Variants in DGKK observed in about 807,000 individuals in gnomAD.
The protein encoded by DGKK is diacylglycerol kinase kappa, also known as 142 kDa diacylglycerol kinase.
Under a neutral mutation model 92.2 loss-of-function variants are expected in DGKK, and 35 were observed. The observed-to-expected ratio is 0.38, with a 90% CI of 0.29 to 0.50. The LOEUF is 0.50. Among genes scored for constraint, DGKK ranks in the 20% least tolerant of loss-of-function variants. The probability of loss-of-function intolerance (pLI) is 0.92; values close to 1 mark genes in which losing one functional copy is unlikely to be tolerated. For missense variants in DGKK, 910 were observed against 992.2 expected, an observed-to-expected ratio of 0.92 and a Z score of 1.11; for synonymous variants, 368 against 360.6, an observed-to-expected ratio of 1.02 and a Z score of -0.23.
At chrX:50,408,082 G>C (rs993469493) in intron 4 of DGKK, among the ~76,000 whole-genome samples, 2 of 112,779 alleles carry the variant, frequency 1.8e-5, no homozygotes, top group Admixed American at 9.3e-5. Flanking sequence ...AGAGGCCAGA[G>C]ATGCTGCTGT....
chrX:50,402,425 A>AAAAAC (rs1439607550), intron 7 of DGKK, among the ~76,000 whole-genome samples: 11 of 111,403 alleles, frequency 9.9e-5, no homozygotes, highest in Non-Finnish European at 1.9e-4. Context: ...CTCAAAAACA[A>AAAAAC]AAAACAAAAC....
chrX:50,450,125 C>G (rs893874205), intron 1 of DGKK, among the ~76,000 whole-genome samples: 8 of 111,799 alleles, frequency 7.2e-5, no homozygotes, highest in Non-Finnish European at 1.3e-4. Flanking sequence ...CATACTTTTG[C>G]AACTAAGATT....
intron 1 of DGKK, among the ~76,000 whole-genome samples, chrX:50,444,489 T>C (rs1926241559): frequency 9.0e-6 from 1 of 110,971 alleles, no homozygotes; most frequent in Admixed American, 9.6e-5. Flanking sequence ...TTCCCCTCTT[T>C]TTGTCCATGA....
chrX:50,414,075 G>T (rs1925368777), intron 4 of DGKK, among the ~76,000 whole-genome samples: 1 of 111,893 alleles, frequency 8.9e-6, no homozygotes, highest in African/African-American at 3.2e-5. Context: ...GGTGAATCTG[G>T]AGGACATTAT....
At chrX:50,435,981 C>T (rs1398529224) in intron 1 of DGKK, among the ~76,000 whole-genome samples, 2 of 111,516 alleles carry the variant, frequency 1.8e-5, no homozygotes, top group African/African-American at 6.5e-5. Context: ...TGGCTGAACA[C>T]AATTGCCTCA....
Position 50,391,628 on chromosome X carries a change from C to G in DGKK, c.1705-52G>C. 5 of 1,186,799 alleles carry G rather than the reference C, an allele frequency of 4.2e-6. No individual in the cohort carries two copies. In the South Asian group the frequency reaches 9.1e-5, roughly 22 times the overall value. On this transcript the variant is annotated intron_variant, in intron 10 of 27. Coordinates refer to ENST00000611977, the MANE Select transcript of DGKK (RefSeq NM_001013742.4). Reference sequence around the variant, plus strand: ...TTCAGACAGTCTTTCTACCAAGCTTCACCCATGAAGGAACCCAGAGGGTAC... The same window carrying G: ...TTCAGACAGTCTTTCTACCAAGCTTGACCCATGAAGGAACCCAGAGGGTAC...
intron 16 of DGKK, 61 bp from the exon 17 acceptor site, chrX:50,384,325 T>G: frequency 3.7e-6 from 3 of 806,945 alleles, no homozygotes; most frequent in Middle Eastern, 3.0e-4. Context: ...TTCCCCTCAC[T>G]TGTATTTCGC....
chrX:50,393,097 T>C lies in DGKK; in HGVS notation c.1595+55A>G, dbSNP rs1924742051. On this transcript the variant is annotated intron_variant, in intron 9 of 27. Coordinates refer to ENST00000611977, the MANE Select transcript of DGKK (RefSeq NM_001013742.4). ...AAGAAGCCTGTTTTAGTTTAGAATGTATAGAAGGAAGACTCCCTTACATAC... is the reference window on the plus strand; with the variant it reads ...AAGAAGCCTGTTTTAGTTTAGAATGCATAGAAGGAAGACTCCCTTACATAC... 4.0e-6 allele frequency: 4 copies of C among 1,001,860 alleles called. No individual in the cohort carries two copies. The East Asian group carries it at 1.3e-4, about 32-fold the overall frequency. 82.6% of individuals were successfully genotyped at this position (1,001,860 alleles called of 1,213,427 possible).
intron 1 of DGKK, among the ~76,000 whole-genome samples, chrX:50,441,458 GAGA>G (rs1233671649): frequency 8.9e-6 from 1 of 111,733 alleles, no homozygotes; most frequent in Non-Finnish European, 1.9e-5. Flanking sequence ...GAATCAAAGA[GAGA>G]AGCAGTAGTT....
intron 27 of DGKK, among the ~76,000 whole-genome samples, chrX:50,369,466 C>T (rs782121933): frequency 4.7e-5 from 5 of 107,311 alleles, no homozygotes; most frequent in African/African-American, 6.8e-5. Context: ...TCTTTCATTT[C>T]GCTCCCTTTC....
chrX:50,423,881 T>A (rs1161804338), intron 2 of DGKK, among the ~76,000 whole-genome samples: 1 of 111,965 alleles, frequency 8.9e-6, no homozygotes, highest in Non-Finnish European at 1.9e-5. Context: ...CCATGACAAG[T>A]CTTTGCTTTA....
intron 1 of DGKK, among the ~76,000 whole-genome samples, chrX:50,455,241 C>G (rs1312313008): frequency 8.9e-6 from 1 of 112,042 alleles, no homozygotes; most frequent in Non-Finnish European, 1.9e-5. Flanking sequence ...AAAGTCCTCA[C>G]TTTCCCTCAA....
intron 1 of DGKK, among the ~76,000 whole-genome samples, chrX:50,437,458 A>G (rs1045483920): frequency 1.6e-4 from 18 of 112,110 alleles, no homozygotes; most frequent in Non-Finnish European, 5.6e-5. Context: ...GGCTATGTAT[A>G]AGGGATTAAG....
At chrX:50,382,631 C>T (rs1015868933) in intron 17 of DGKK, 28 bp from the exon 18 acceptor site, 3 of 1,117,717 alleles carry the variant, frequency 2.7e-6, no homozygotes, top group Non-Finnish European at 3.7e-6. Context: ...AGAGGACAGA[C>T]ATTGGTGCAG....
chrX:50,413,870 G>T (rs1557228218), intron 4 of DGKK, among the ~76,000 whole-genome samples: 1 of 111,888 alleles, frequency 8.9e-6, no homozygotes, highest in African/African-American at 3.2e-5. Flanking sequence ...TATGTGAAAA[G>T]AAACTGAAAT....
chrX:50,417,017 C>T (rs1310218833), intron 4 of DGKK, among the ~76,000 whole-genome samples: 1 of 108,050 alleles, frequency 9.3e-6, no homozygotes, highest in African/African-American at 3.4e-5. Flanking sequence ...GGTAAGGCAA[C>T]TGAACCTCTC....
At position 50,424,171 on chromosome X, in the gene DGKK, C is replaced by G. The variant is rs1925676308; in HGVS notation, c.756+77G>C. 5 of 929,321 alleles carry G rather than the reference C, an allele frequency of 5.4e-6. No individual in the cohort carries two copies. The Admixed American group carries it at 1.3e-4, about 24-fold the overall frequency. 76.6% of individuals were successfully genotyped at this position (929,321 alleles called of 1,213,427 possible). On this transcript the variant is annotated intron_variant, in intron 2 of 27. Coordinates refer to ENST00000611977, the MANE Select transcript of DGKK (RefSeq NM_001013742.4). ...CCTAATGTTTGCTGACATGTCTTTA[C>G]TTATTAGTCCATCTTCCCACACAAA...
chrX:50,464,503 A>C (rs1926845463), intron 1 of DGKK, among the ~76,000 whole-genome samples: 1 of 109,759 alleles, frequency 9.1e-6, no homozygotes, highest in Admixed American at 9.7e-5. Context: ...AGGATTCGTA[A>C]ATTTCATTAA....
chrX:50,458,589 T>C (rs1343106949), intron 1 of DGKK, among the ~76,000 whole-genome samples: 1 of 109,787 alleles, frequency 9.1e-6, no homozygotes, highest in East Asian at 2.8e-4. Context: ...TACAAATAAA[T>C]TGAAAGCTGG....
Sources: allele counts gnomAD v4.1 joint callset (sites outside exome capture counted in the v4.1 genomes callset), GRCh38; gene constraint gnomAD v4.1.1; transcripts MANE v1.5; gene names NCBI Gene and HGNC (gene_info 2026-07-23, HGNC 2026-07-21).